CFAP299: variants seen among roughly 807,000 people sequenced by gnomAD.
CFAP299 encodes the protein cilia- and flagella-associated protein 299.
In CFAP299, 21 loss-of-function variants were observed where a neutral mutation model predicts 27.0. The observed-to-expected ratio is 0.78, with a 90% CI of 0.55 to 1.12. The LOEUF (loss-of-function observed/expected upper bound fraction) is 1.12, where lower values mean the gene tolerates loss of function less well. CFAP299 is among the 50% of genes most tolerant of loss of function. The pLI, the probability that CFAP299 is intolerant of heterozygous loss-of-function variation, is 0.00. For synonymous variants in CFAP299, 104 were observed against 98.1 expected, an observed-to-expected ratio of 1.06 and a Z score of -0.36; for missense variants, 310 against 276.6, an observed-to-expected ratio of 1.12 and a Z score of -0.86.
At chr4:80,477,764 C>A (rs2110123536) in intron 2 of CFAP299, among the ~76,000 whole-genome samples, 1 of 152,304 alleles carries the variant, frequency 6.6e-6, no homozygotes, top group Non-Finnish European at 1.5e-5. Context: ...GTCTCCCCTA[C>A]TTAGTTTAGA....
intron 3 of CFAP299, among the ~76,000 whole-genome samples, chr4:80,615,130 G>A (rs1279888397): frequency 6.6e-6 from 1 of 151,970 alleles, no homozygotes; most frequent in African/African-American, 2.4e-5. Context: ...GGCCCTCTAT[G>A]CAGCCACTAA....
chr4:80,452,947 T>C (rs1442245929), intron 2 of CFAP299, among the ~76,000 whole-genome samples: 1 of 152,226 alleles, frequency 6.6e-6, no homozygotes, highest in African/African-American at 2.4e-5. Flanking sequence ...TAAAAACAGA[T>C]GGCCATGATG....
At chr4:80,701,638 G>T (rs1721488562) in intron 3 of CFAP299, among the ~76,000 whole-genome samples, 1 of 151,878 alleles carries the variant, frequency 6.6e-6, no homozygotes, top group African/African-American at 2.4e-5. Context: ...TGTGGTTAAT[G>T]GTGTAATTGT....
chr4:80,734,922 T>G (rs1723766758), intron 3 of CFAP299, among the ~76,000 whole-genome samples: 1 of 152,190 alleles, frequency 6.6e-6, no homozygotes, highest in South Asian at 2.1e-4. Context: ...CAGGATAGCT[T>G]TGGCTATTCT....
Position 80,343,334 on chromosome 4 carries a change from C to T in CFAP299, c.111+7455C>T, listed in dbSNP as rs1469518479. On this transcript the variant is annotated intron_variant, in intron 1 of 5. Transcript: ENST00000358105. ...CTCTGGAACTAGTGGACCTCATAGACACCTACAGAACTCTCAACCCAAACA... is the reference window on the plus strand; with the variant it reads ...CTCTGGAACTAGTGGACCTCATAGATACCTACAGAACTCTCAACCCAAACA... Among the ~76,000 whole-genome samples, 7 of 152,304 alleles carry T rather than the reference C, an allele frequency of 4.6e-5. No individual in the cohort carries two copies. The East Asian group carries it at 9.7e-4, about 21-fold the overall frequency.
intron 2 of CFAP299, among the ~76,000 whole-genome samples, chr4:80,574,451 T>A (rs1170568988): frequency 2.0e-5 from 3 of 152,202 alleles, no homozygotes; most frequent in African/African-American, 7.2e-5. Context: ...TGACCCTTAT[T>A]TCTTTTTCTT....
At chr4:80,537,614 A>C (rs941111199) in intron 2 of CFAP299, among the ~76,000 whole-genome samples, 6 of 152,140 alleles carry the variant, frequency 3.9e-5, no homozygotes, top group Non-Finnish European at 8.8e-5. Context: ...GATCTCAGTC[A>C]TATGTGGAAT....
At chr4:80,547,748 A>G (rs957495089) in intron 2 of CFAP299, among the ~76,000 whole-genome samples, 1 of 152,172 alleles carries the variant, frequency 6.6e-6, no homozygotes, top group Non-Finnish European at 1.5e-5. Context: ...AGAAAAAGAC[A>G]TACAAACCGC....
chr4:80,952,980 G>T (rs924074333), intron 5 of CFAP299, among the ~76,000 whole-genome samples: 1 of 152,014 alleles, frequency 6.6e-6, no homozygotes, highest in Non-Finnish European at 1.5e-5. Flanking sequence ...ATATGCAGAT[G>T]GTTCCAATTT....
chr4:80,407,137 C>T (rs1037943285), intron 2 of CFAP299, among the ~76,000 whole-genome samples: 1 of 151,494 alleles, frequency 6.6e-6, no homozygotes, highest in Non-Finnish European at 1.5e-5. Context: ...CATTGTCAAG[C>T]AATGTCAATG....
chr4:80,375,712 A>G (rs1724372927), intron 2 of CFAP299, among the ~76,000 whole-genome samples: 1 of 152,242 alleles, frequency 6.6e-6, no homozygotes, highest in South Asian at 2.1e-4. Flanking sequence ...GTCTCTTCCA[A>G]ACTAGTGAAG....
chr4:80,598,733 C>T (rs960350999), intron 3 of CFAP299, among the ~76,000 whole-genome samples: 2 of 152,154 alleles, frequency 1.3e-5, no homozygotes, highest in African/African-American at 2.4e-5. Context: ...ATGCTAGAGG[C>T]CTTCCTCCTC....
At chr4:80,889,875 A>G (rs549159490) in intron 4 of CFAP299, among the ~76,000 whole-genome samples, 1 of 152,158 alleles carries the variant, frequency 6.6e-6, no homozygotes, top group Non-Finnish European at 1.5e-5. Flanking sequence ...GACAAAAAAC[A>G]TATAGTCATT....
At chr4:80,547,470 A>G (rs754478775) in intron 2 of CFAP299, among the ~76,000 whole-genome samples, 15 of 152,076 alleles carry the variant, frequency 9.9e-5, no homozygotes, top group Non-Finnish European at 1.9e-4. Context: ...ACATCAGCAA[A>G]GAGTTTATGA....
chr4:80,364,736 C>T (rs115882344), intron 2 of CFAP299, among the ~76,000 whole-genome samples: 1 of 152,292 alleles, frequency 6.6e-6, no homozygotes, highest in African/African-American at 2.4e-5. Context: ...GCTATTCTTC[C>T]TGATGCTCTT....
At chr4:80,341,199 G>C (rs572809921) in intron 1 of CFAP299, among the ~76,000 whole-genome samples, 5 of 152,354 alleles carry the variant, frequency 3.3e-5, no homozygotes, top group African/African-American at 1.2e-4. Flanking sequence ...TCCTGGGAAA[G>C]AGCCTCTGAG....
intron 3 of CFAP299, among the ~76,000 whole-genome samples, chr4:80,607,589 A>G (rs1029131456): frequency 6.6e-6 from 1 of 152,150 alleles, no homozygotes; most frequent in Non-Finnish European, 1.5e-5. Flanking sequence ...GTAAGACAGA[A>G]AAAAAAGAGA....
At chr4:80,532,841 C>T (rs1733543992) in intron 2 of CFAP299, among the ~76,000 whole-genome samples, 1 of 152,158 alleles carries the variant, frequency 6.6e-6, no homozygotes, top group Non-Finnish European at 1.5e-5. Context: ...CTCTGCAAAG[C>T]TAGCAGTGAC....
At chr4:80,745,477 G>A (rs569586312) in intron 3 of CFAP299, among the ~76,000 whole-genome samples, 1 of 152,134 alleles carries the variant, frequency 6.6e-6, no homozygotes, top group Non-Finnish European at 1.5e-5. Context: ...ATTGTATTTA[G>A]TTTGATAATT....
Sources: gnomAD v4.1 joint callset for allele counts (sites outside exome capture counted in the v4.1 genomes callset) on GRCh38, gnomAD v4.1.1 for gene constraint, MANE v1.5 for transcripts, NCBI Gene and HGNC (gene_info 2026-07-23, HGNC 2026-07-21) for gene names.